Variants in IMPG1 observed in about 807,000 individuals in gnomAD.
IMPG1 encodes the protein interphotoreceptor matrix proteoglycan of 150 kDa.
A neutral mutation model predicts 92.0 loss-of-function variants in IMPG1; 85 were observed. The ratio of observed to expected loss-of-function variants is 0.92; its 90% confidence interval spans 0.78 to 1.11. The LOEUF (loss-of-function observed/expected upper bound fraction) is 1.11. IMPG1 is among the 50% of genes least tolerant of loss of function. The probability of loss-of-function intolerance (pLI) is 0.00; values close to 1 mark genes in which losing one functional copy is unlikely to be tolerated. For missense variants in IMPG1, 1,022 were observed against 956.0 expected (o/e 1.07, Z -0.91); for synonymous variants, 367 against 334.1 (o/e 1.10, Z -1.08).
Position 76,007,511 on chromosome 6 carries a change from T to A in IMPG1, c.867-11A>T. On this transcript the variant is annotated splice_polypyrimidine_tract_variant and intron_variant, in intron 8 of 16. Transcript: ENST00000369950. ...TTTTCTTTCTTTGGTCTTCATTTCA[T>A]CATGCACAATGGAAACATGAAAAAG... 1 of 1,590,570 alleles carries A rather than the reference T, an allele frequency of 6.3e-7. No homozygotes were observed. Among genetic ancestry groups the A allele is most frequent in the Non-Finnish European group, 8.6e-7 (1 of 1,164,884 alleles).
chr6:76,045,022 C>T (rs761064169), intron 1 of IMPG1, among the ~76,000 whole-genome samples: 1 of 152,186 alleles, frequency 6.6e-6, no homozygotes. Flanking sequence ...TTTCCCTATT[C>T]TCCACATGTC....
At chr6:76,001,396 G>C (rs1254099868) in intron 12 of IMPG1, among the ~76,000 whole-genome samples, 1 of 152,132 alleles carries the variant, frequency 6.6e-6, no homozygotes, top group Non-Finnish European at 1.5e-5. Flanking sequence ...ATTATAAATG[G>C]CATAAATTCT....
intron 8 of IMPG1, among the ~76,000 whole-genome samples, chr6:76,008,361 C>G (rs1306914772): frequency 6.6e-6 from 1 of 152,196 alleles, no homozygotes; most frequent in Non-Finnish European, 1.5e-5. Flanking sequence ...CTATGTCCAG[C>G]TTTCTCCTTT....
intron 1 of IMPG1, among the ~76,000 whole-genome samples, chr6:76,059,291 T>A (rs1313665350): frequency 6.6e-6 from 1 of 152,098 alleles, no homozygotes; most frequent in African/African-American, 2.4e-5. Context: ...TTTAGATACA[T>A]AACACACTGC....
At chr6:75,947,288 C>A (rs1180573232) in intron 14 of IMPG1, 26 bp downstream of exon 14, 1 of 1,545,156 alleles carries the variant, frequency 6.5e-7, no homozygotes, top group South Asian at 1.1e-5. Context: ...AACATCTCTA[C>A]CACTTTCTGG....
At chr6:76,003,496 T>A (rs12527730) in intron 11 of IMPG1, among the ~76,000 whole-genome samples, 11 of 152,280 alleles carry the variant, frequency 7.2e-5, no homozygotes, top group Middle Eastern at 3.4e-3. Context: ...TAAAAACAAA[T>A]TTATAAAGTA....
intron 12 of IMPG1, among the ~76,000 whole-genome samples, chr6:75,953,972 A>G (rs1331874477): frequency 1.3e-5 from 2 of 152,220 alleles, no homozygotes; most frequent in Admixed American, 6.5e-5. Flanking sequence ...ATAGTATTCC[A>G]TGGTATATAT....
chr6:76,016,715 T>C (rs1453033874), intron 7 of IMPG1, among the ~76,000 whole-genome samples: 1 of 152,230 alleles, frequency 6.6e-6, no homozygotes, highest in Non-Finnish European at 1.5e-5. Context: ...GCACTCCTGT[T>C]GTCCACATTG....
At chr6:75,949,354 C>T (rs549440059) in intron 13 of IMPG1, among the ~76,000 whole-genome samples, 6 of 152,314 alleles carry the variant, frequency 3.9e-5, no homozygotes, top group South Asian at 2.1e-4. Flanking sequence ...GACCTCTGGT[C>T]GTCCTCACTA....
intron 1 of IMPG1, among the ~76,000 whole-genome samples, chr6:76,071,822 T>C (rs1370859943): frequency 6.6e-6 from 1 of 152,100 alleles, no homozygotes; most frequent in Non-Finnish European, 1.5e-5. Flanking sequence ...AACATCCTGT[T>C]TGTGGCTTAT....
chr6:76,060,243 T>TG (rs1562387992), intron 1 of IMPG1, among the ~76,000 whole-genome samples: 1 of 152,152 alleles, frequency 6.6e-6, no homozygotes, highest in Non-Finnish European at 1.5e-5. Context: ...TGAATGTAAA[T>TG]GGGAAAATAT....
rs774869075 is a variant in IMPG1 at position 76,018,752 on chromosome 6, T to C, written c.773A>G (p.Tyr258Cys). 183 of 1,613,488 alleles carry C rather than the reference T, an allele frequency of 1.1e-4. No homozygotes were observed. In the East Asian group the frequency reaches 4.1e-3, roughly 36 times the overall value. The part of the protein sequence containing the change: ...KAELADSQSP[Y>C]YQELAGKSQL... ...GGACTTTCCTGCTAGCTCCTGGTAA[T>C]ATGGGGACTGGGAGTCAGCGAGCTC... is the stretch of plus-strand genomic sequence containing the variant. The change falls in exon 7 of 17, where the codon TAT becomes TGT. Residue 258 changes from tyrosine to cysteine, a missense_variant. Transcript: ENST00000369950.
chr6:75,997,769 T>C (rs970012309), intron 12 of IMPG1, among the ~76,000 whole-genome samples: 3 of 152,052 alleles, frequency 2.0e-5, no homozygotes, highest in Non-Finnish European at 4.4e-5. Context: ...ACAGGAATTT[T>C]AAAAAAAGGA....
chr6:76,035,027 TGTGTGC>T (rs2149488197), intron 2 of IMPG1, among the ~76,000 whole-genome samples: 1 of 152,036 alleles, frequency 6.6e-6, no homozygotes, highest in African/African-American at 2.4e-5. Flanking sequence ...CGTGTGTGTG[TGTGTGC>T]AAAACTGCAG....
At chr6:76,007,915 G>T (rs938739774) in intron 8 of IMPG1, among the ~76,000 whole-genome samples, 26 of 152,126 alleles carry the variant, frequency 1.7e-4, no homozygotes, top group African/African-American at 6.3e-4. Context: ...GCTCTTACTG[G>T]CATTAAATGA....
intron 15 of IMPG1, among the ~76,000 whole-genome samples, chr6:75,930,489 T>C (rs1004916594): frequency 9.9e-5 from 15 of 152,212 alleles, no homozygotes; most frequent in Admixed American, 6.5e-5. Flanking sequence ...TAACAGGATT[T>C]TTATCTTTTT....
chr6:75,950,723 C>T lies in IMPG1; in HGVS notation c.1663G>A (p.Ala555Thr), dbSNP rs2149457499. 1 of 1,614,022 alleles carries T rather than the reference C, an allele frequency of 6.2e-7. No homozygotes were observed. The highest frequency in any genetic ancestry group is 8.5e-7 in the Non-Finnish European group (1 of 1,179,928). ...GAACTAGTGGTGATATACTGTAAAG[C>T]TGAGACAGGAGTGGTATCCTCCAAG... is the stretch of plus-strand genomic sequence containing the variant. Reference protein sequence around the residue: ...HFLEDTTPVSALQYITTSSMT... With the variant: ...HFLEDTTPVSTLQYITTSSMT... Residue 555 changes from alanine to threonine, a missense_variant, in exon 13 of 17, where the codon GCT (alanine) becomes ACT (threonine). Physicochemically the swap from Ala to Thr is moderately conservative, Grantham distance 58. Transcript: ENST00000369950.
intron 15 of IMPG1, among the ~76,000 whole-genome samples, chr6:75,928,030 G>A (rs1325183019): frequency 6.6e-6 from 1 of 152,094 alleles, no homozygotes; most frequent in Non-Finnish European, 1.5e-5. Context: ...TAAAGAAAGA[G>A]AAATGTTTAA....
intron 12 of IMPG1, among the ~76,000 whole-genome samples, chr6:75,961,805 A>G (rs1562349462): frequency 6.6e-6 from 1 of 152,234 alleles, no homozygotes; most frequent in Non-Finnish European, 1.5e-5. Flanking sequence ...GTGGAATTCT[A>G]TACTATCAAT....
Sources: allele counts gnomAD v4.1 joint callset (sites outside exome capture counted in the v4.1 genomes callset), GRCh38; gene constraint gnomAD v4.1.1; transcripts MANE v1.5; gene names NCBI Gene and HGNC (gene_info 2026-07-23, HGNC 2026-07-21).